The following ZBTB7C variants were observed in gnomAD, a reference collection of about 807,000 sequenced individuals.
ZBTB7C encodes zinc finger and BTB domain-containing protein 7C.
A neutral mutation model predicts 25.7 loss-of-function variants in ZBTB7C; 8 were observed. The observed-to-expected ratio is 0.31, with a 90% CI of 0.18 to 0.56. The LOEUF (loss-of-function observed/expected upper bound fraction) is 0.56, where lower values mean the gene tolerates loss of function less well. ZBTB7C is among the 20% of genes least tolerant of loss of function. ZBTB7C has a pLI of 0.91. For missense variants in ZBTB7C, 824 were observed against 855.2 expected (o/e 0.96, Z 0.46); for synonymous variants, 394 against 369.0 (o/e 1.07, Z -0.78).
rs1297096856 is a variant in ZBTB7C at position 48,146,063 on chromosome 18, A to AT, written c.-17+39870dup. Among the ~76,000 whole-genome samples the AT allele has an allele frequency of 3.9e-5, 6 of 152,052 alleles. No individual in the cohort carries two copies. In the South Asian group the frequency reaches 1.0e-3, roughly 26 times the overall value. ...TTTTCCTAGGTTTTTTGCTTTTGTG[A>AT]TTTTTTGTTTAGATACTTGCCTAAA... is the stretch of plus-strand genomic sequence containing the variant. On this transcript the variant is annotated intron_variant, in intron 3 of 4. Coordinates refer to ENST00000590800, the MANE Select transcript of ZBTB7C (RefSeq NM_001318841.2).
Position 48,039,907 on chromosome 18 carries a change from A to G in ZBTB7C, c.1201T>C (p.Phe401Leu). 6.2e-7 allele frequency: 1 copy of G among 1,612,132 alleles called. No homozygotes were observed. The highest frequency in any genetic ancestry group is 1.3e-5 in the African/African-American group (1 of 75,036). Residue 401 changes from phenylalanine (F) to leucine (L), a missense_variant, in exon 4 of 5, where the codon TTC (phenylalanine) becomes CTC (leucine). Phe to Leu is a conservative substitution (Grantham distance 22). Transcript: ENST00000590800. Reference protein sequence around the residue: ...PYMCTICEVRFTRQDKLKIHM... With the variant: ...PYMCTICEVRLTRQDKLKIHM... ...GAGGGCTGCCATGCGCACCTGGTGA[A>G]GCGGACCTCGCAGATGGTGCACATG...
intron 4 of ZBTB7C, among the ~76,000 whole-genome samples, chr18:48,039,566 G>T (rs2036124987): frequency 6.6e-6 from 1 of 152,186 alleles, no homozygotes; most frequent in African/African-American, 2.4e-5. Flanking sequence ...TTCAAACTGG[G>T]TTCCACAAAT....
intron 1 of ZBTB7C, among the ~76,000 whole-genome samples, chr18:48,356,755 G>A (rs1039570454): frequency 7.9e-5 from 12 of 152,190 alleles, no homozygotes; most frequent in African/African-American, 2.9e-4. Flanking sequence ...TTCAAGAAAT[G>A]ATCAATGGGC....
intron 2 of ZBTB7C, among the ~76,000 whole-genome samples, chr18:48,199,198 T>C (rs2042381240): frequency 6.6e-6 from 1 of 152,236 alleles, no homozygotes; most frequent in South Asian, 2.1e-4. Flanking sequence ...TCCACAATGA[T>C]GTGCCCCGTT....
chr18:48,410,322 C>G (rs2048369566), upstream of ZBTB7C, among the ~76,000 whole-genome samples: 1 of 152,158 alleles, frequency 6.6e-6, no homozygotes. Flanking sequence ...CCCCGCACTC[C>G]GCACCCCACA....
intron 2 of ZBTB7C, among the ~76,000 whole-genome samples, chr18:48,236,260 T>C (rs923701571): frequency 2.0e-5 from 3 of 152,226 alleles, no homozygotes; most frequent in African/African-American, 7.2e-5. Context: ...TAAATCCTAG[T>C]AGAGAATCAA....
chr18:48,126,546 C>CG (rs1199597046), intron 3 of ZBTB7C, among the ~76,000 whole-genome samples: 1 of 152,222 alleles, frequency 6.6e-6, no homozygotes, highest in African/African-American at 2.4e-5. Context: ...TCTAGCTCCC[C>CG]GGGGGAGATG....
intron 1 of ZBTB7C, among the ~76,000 whole-genome samples, chr18:48,406,590 A>C (rs542578628): frequency 3.9e-5 from 6 of 152,164 alleles, no homozygotes; most frequent in Non-Finnish European, 7.4e-5. Flanking sequence ...TCAGACATTG[A>C]CTTCTTCTGT....
intron 2 of ZBTB7C, among the ~76,000 whole-genome samples, chr18:48,211,319 T>A (rs1047310210): frequency 6.6e-6 from 1 of 151,950 alleles, no homozygotes; most frequent in Non-Finnish European, 1.5e-5. Flanking sequence ...GCACAACCCA[T>A]AAAAGAAACA....
chr18:48,399,648 G>T (rs1202954818), intron 1 of ZBTB7C, among the ~76,000 whole-genome samples: 1 of 152,194 alleles, frequency 6.6e-6, no homozygotes, highest in Non-Finnish European at 1.5e-5. Flanking sequence ...GAGCAGGCAA[G>T]CCCCTTTCCT....
chr18:48,063,911 T>C (rs890618145), intron 3 of ZBTB7C, among the ~76,000 whole-genome samples: 1 of 151,738 alleles, frequency 6.6e-6, no homozygotes, highest in Non-Finnish European at 1.5e-5. Context: ...TAATTTATAA[T>C]TGATAATTAA....
At chr18:48,320,027 A>G (rs1412794424) in intron 2 of ZBTB7C, among the ~76,000 whole-genome samples, 2 of 152,152 alleles carry the variant, frequency 1.3e-5, no homozygotes, top group Non-Finnish European at 1.5e-5. Context: ...TGAGTAAGCA[A>G]AAGATAAAAT....
At chr18:48,407,321 T>A (rs1156530152) in intron 1 of ZBTB7C, among the ~76,000 whole-genome samples, 1 of 152,234 alleles carries the variant, frequency 6.6e-6, no homozygotes, top group Non-Finnish European at 1.5e-5. Flanking sequence ...TGCATTGTGT[T>A]ACAAAAGGAG....
At chr18:48,075,502 C>T (rs368913439) in intron 3 of ZBTB7C, among the ~76,000 whole-genome samples, 45 of 152,282 alleles carry the variant, frequency 3.0e-4, no homozygotes, top group African/African-American at 1.0e-3. Context: ...CACAGAGCAG[C>T]CCTTCTTCCC....
intron 3 of ZBTB7C, among the ~76,000 whole-genome samples, chr18:48,105,107 T>G (rs2038983576): frequency 6.6e-6 from 1 of 152,222 alleles, no homozygotes; most frequent in African/African-American, 2.4e-5. Context: ...AAAGGATGTA[T>G]GCTCCAGTCC....
intron 2 of ZBTB7C, among the ~76,000 whole-genome samples, chr18:48,291,077 T>C (rs909030808): frequency 2.6e-4 from 40 of 152,342 alleles, no homozygotes; most frequent in African/African-American, 9.4e-4. Flanking sequence ...CACAGAACCT[T>C]CTGCTTTGGG....
At chr18:48,351,598 C>T (rs758854630) in intron 1 of ZBTB7C, among the ~76,000 whole-genome samples, 1 of 152,220 alleles carries the variant, frequency 6.6e-6, no homozygotes, top group African/African-American at 2.4e-5. Flanking sequence ...TTAAGAAAAA[C>T]GCCGTTTTCC....
chr18:48,339,602 A>C (rs1358148888), intron 1 of ZBTB7C, among the ~76,000 whole-genome samples: 1 of 152,080 alleles, frequency 6.6e-6, no homozygotes, highest in Non-Finnish European at 1.5e-5. Flanking sequence ...CTTTCCAGCA[A>C]GCTCCCTGGC....
At chr18:48,102,842 A>G (rs1341810791) in intron 3 of ZBTB7C, among the ~76,000 whole-genome samples, 2 of 151,858 alleles carry the variant, frequency 1.3e-5, no homozygotes, top group Non-Finnish European at 2.9e-5. Context: ...GGTGTAGTCA[A>G]CAACCCTCAC....
Sources: gnomAD v4.1 joint callset for allele counts (sites outside exome capture counted in the v4.1 genomes callset) on GRCh38, gnomAD v4.1.1 for gene constraint, MANE v1.5 for transcripts, NCBI Gene and HGNC (gene_info 2026-07-23, HGNC 2026-07-21) for gene names.